Variants in RYR3 observed in about 807,000 individuals in gnomAD.
RYR3 encodes ryanodine receptor 3.
RYR3 carries 207 observed loss-of-function variants against 584.3 expected under a neutral mutation model. That is an observed-to-expected ratio of 0.35 (90% CI 0.32 to 0.40). RYR3 has a LOEUF of 0.40. RYR3 is among the 10% of genes least tolerant of loss of function. RYR3 has a pLI of 1.00. For synonymous variants in RYR3, 2,416 were observed against 2,248.5 expected, an observed-to-expected ratio of 1.07 and a Z score of -2.11; for missense variants, 5,616 against 6,089.2, an observed-to-expected ratio of 0.92 and a Z score of 2.59.
chr15:33,841,149 C>T (rs770443802), intron 90 of RYR3, among the ~76,000 whole-genome samples: 3 of 151,834 alleles, frequency 2.0e-5, no homozygotes, highest in Non-Finnish European at 2.9e-5. Flanking sequence ...CCCAGGAGGT[C>T]GAGGCTGCAG....
intron 3 of RYR3, among the ~76,000 whole-genome samples, chr15:33,510,529 G>A (rs1303197722): frequency 6.6e-6 from 1 of 151,792 alleles, no homozygotes; most frequent in East Asian, 1.9e-4. Context: ...TGGACAAGGA[G>A]AATTTTACAA....
In RYR3 at chr15:33,838,441, C is replaced by T; in HGVS notation, c.12461C>T (p.Thr4154Ile). ...TGTGCCTCTGTGAAGAGGAATGTCA[C>T]CGACTTCCTGAAGAGAGCAACCCTG... is the stretch of plus-strand genomic sequence containing the variant. Reference protein sequence around the residue: ...MACASVKRNVTDFLKRATLKN... With the variant: ...MACASVKRNVIDFLKRATLKN... The change falls in exon 89 of 104, where the codon ACC becomes ATC. Residue 4154 changes from threonine to isoleucine, a missense_variant. Thr to Ile is a moderately conservative substitution (Grantham distance 89, BLOSUM62 -1). Coordinates refer to ENST00000634891, the MANE Select transcript of RYR3 (RefSeq NM_001036.6). 6.2e-7 allele frequency: 1 copy of T among 1,613,996 alleles called. No individual in the cohort carries two copies. Among genetic ancestry groups the T allele is most frequent in the Non-Finnish European group, 8.5e-7 (1 of 1,179,892 alleles).
rs1461620378 is a variant in RYR3, at chr15:33,522,035, C to G, written c.280-8557C>G. The stretch of plus-strand genomic sequence containing the variant: ...TTGGGAGGCCGAGGCAGGCAGATCA[C>G]CTGAGGTCATGAGTTCGAGACCAGC... On this transcript the variant is annotated intron_variant, in intron 3 of 103. Coordinates refer to ENST00000634891, the MANE Select transcript of RYR3 (RefSeq NM_001036.6). Among the ~76,000 whole-genome samples, 3 of 150,600 alleles carry G rather than the reference C, an allele frequency of 2.0e-5. No individual in the cohort carries two copies. The South Asian group carries it at 6.3e-4, about 32-fold the overall frequency.
chr15:33,587,694 T>G (rs539012284), intron 16 of RYR3, among the ~76,000 whole-genome samples: 9 of 152,360 alleles, frequency 5.9e-5, no homozygotes, highest in African/African-American at 2.2e-4. Context: ...CATAAGAGTC[T>G]TTTCAAAGAC....
At chr15:33,818,786 A>G in intron 76 of RYR3, 102 bp downstream of exon 76, 3 of 788,434 alleles carry the variant, frequency 3.8e-6, no homozygotes, top group Non-Finnish European at 6.2e-6. Flanking sequence ...AAGGGAAGCT[A>G]GATTTGAGCA....
intron 1 of RYR3, among the ~76,000 whole-genome samples, chr15:33,433,909 C>T (rs999233349): frequency 6.6e-6 from 1 of 152,190 alleles, no homozygotes; most frequent in Non-Finnish European, 1.5e-5. Context: ...CCTCACTGGA[C>T]ACAACTTTAT....
intron 96 of RYR3, among the ~76,000 whole-genome samples, chr15:33,854,049 A>G (rs1448135440): frequency 6.6e-6 from 1 of 152,092 alleles, no homozygotes; most frequent in Admixed American, 6.6e-5. Context: ...TTTAAAAAGT[A>G]GCTAGGCGTG....
rs1035872823 is a variant in RYR3 at position 33,652,710 on chromosome 15, G to A, written c.4143-8G>A. On this transcript the variant is annotated splice_polypyrimidine_tract_variant and splice_region_variant and intron_variant, in intron 31 of 103. Transcript: ENST00000634891. Reference sequence around the variant, plus strand: ...AGATTCTGTGCCTTTTCCTGTCTTGGCTCCTAGTGTGAAACGCAGCAACTG... The same window carrying A: ...AGATTCTGTGCCTTTTCCTGTCTTGACTCCTAGTGTGAAACGCAGCAACTG... 6.2e-7 allele frequency: 1 copy of A among 1,611,942 alleles called. No homozygotes were observed. The highest frequency in any genetic ancestry group is 8.5e-7 in the Non-Finnish European group (1 of 1,179,036).
At position 33,836,931 on chromosome 15, in the gene RYR3, AG is replaced by A. The variant is rs2078090948; in HGVS notation, c.11596del (p.Glu3866AsnfsTer11). The part of the protein sequence containing the change: ...SQDSSQIELL[K>X]ELLDLLQDMV... The stretch of plus-strand genomic sequence containing the variant: ...GATTCCAGTCAGATCGAGCTGCTGA[AG>A]GAACTCTTGGATCTCCTTCAGGACA... On this transcript the variant is annotated frameshift_variant, in exon 88 of 104. Coordinates refer to ENST00000634891, the MANE Select transcript of RYR3 (RefSeq NM_001036.6). LOFTEE classifies it high-confidence loss of function. The A allele has an allele frequency of 6.2e-7, 1 of 1,613,544 alleles. No individual in the cohort carries two copies. The highest frequency in any genetic ancestry group is 8.5e-7 in the Non-Finnish European group (1 of 1,179,818).
At position 33,826,244 on chromosome 15, in the gene RYR3, A is replaced by G. The variant is rs776534103; in HGVS notation, c.11147-8A>G. On this transcript the variant is annotated splice_polypyrimidine_tract_variant and splice_region_variant and intron_variant, in intron 82 of 103. Coordinates refer to ENST00000634891, the MANE Select transcript of RYR3 (RefSeq NM_001036.6). ...CTTTCTATTCTTCTGTTTTTCTCTCATTACCAGTCATTGTTCGGGAACGTG... is the reference window on the plus strand; with the variant it reads ...CTTTCTATTCTTCTGTTTTTCTCTCGTTACCAGTCATTGTTCGGGAACGTG... The G allele has an allele frequency of 1.1e-5, 17 of 1,613,190 alleles. No individual in the cohort carries two copies. Among genetic ancestry groups the G allele is most frequent in the Non-Finnish European group, 1.4e-5 (16 of 1,179,502 alleles).
intron 1 of RYR3, among the ~76,000 whole-genome samples, chr15:33,356,109 G>C (rs532043000): frequency 6.6e-6 from 1 of 152,238 alleles, no homozygotes; most frequent in East Asian, 1.9e-4. Context: ...ATACGATGAG[G>C]TTCCATGAAT....
intron 86 of RYR3, 87 bp from the exon 87 acceptor site, chr15:33,834,881 A>G (rs2077937997): frequency 5.6e-6 from 5 of 887,158 alleles, no homozygotes; most frequent in Non-Finnish European, 9.1e-6. Flanking sequence ...ATCTGCTCAT[A>G]TAAGTAGGTA....
intron 19 of RYR3, among the ~76,000 whole-genome samples, 162 bp from the exon 20 acceptor site, chr15:33,623,645 G>A (rs967418204): frequency 2.0e-5 from 3 of 152,170 alleles, no homozygotes; most frequent in African/African-American, 7.2e-5. Flanking sequence ...CTGCTGTTTT[G>A]TTACATACTG....
At chr15:33,733,589 G>A (rs1436414372) in intron 48 of RYR3, among the ~76,000 whole-genome samples, 1 of 152,194 alleles carries the variant, frequency 6.6e-6, no homozygotes, top group Non-Finnish European at 1.5e-5. Context: ...GTCAGGGGTT[G>A]GGGGAGGGAG....
At chr15:33,595,290 A>T (rs1045571364) in intron 16 of RYR3, among the ~76,000 whole-genome samples, 1 of 152,232 alleles carries the variant, frequency 6.6e-6, no homozygotes, top group African/African-American at 2.4e-5. Flanking sequence ...CATGAAGTCA[A>T]TTACGTTTGC....
At chr15:33,828,393 G>A (rs911694985) in intron 85 of RYR3, among the ~76,000 whole-genome samples, 3 of 152,226 alleles carry the variant, frequency 2.0e-5, no homozygotes, top group African/African-American at 7.2e-5. Flanking sequence ...AAATGATTAA[G>A]CTTAGTAAGG....
At chr15:33,686,023 A>G (rs1423001511) in intron 38 of RYR3, among the ~76,000 whole-genome samples, 4 of 150,806 alleles carry the variant, frequency 2.7e-5, no homozygotes, top group Admixed American at 2.6e-4. Context: ...TAACATCACA[A>G]TTAGAAGAAC....
chr15:33,447,124 C>A (rs770780364), intron 1 of RYR3, among the ~76,000 whole-genome samples: 1 of 152,186 alleles, frequency 6.6e-6, no homozygotes, highest in Admixed American at 6.5e-5. Context: ...AGTATAAGTG[C>A]TTAGTAAAAG....
intron 11 of RYR3, among the ~76,000 whole-genome samples, chr15:33,564,691 C>A (rs1258793922): frequency 1.3e-5 from 2 of 152,164 alleles, no homozygotes; most frequent in Non-Finnish European, 2.9e-5. Flanking sequence ...GAACACACTC[C>A]AAGGACTCTG....
Sources: allele counts gnomAD v4.1 joint callset (sites outside exome capture counted in the v4.1 genomes callset), GRCh38; gene constraint gnomAD v4.1.1; transcripts MANE v1.5; gene names NCBI Gene and HGNC (gene_info 2026-07-23, HGNC 2026-07-21).